Variants in CEP78 observed in about 807,000 individuals in gnomAD.
CEP78 encodes centrosomal protein 78, also known as centrosomal protein of 78 kDa.
CEP78 carries 76 observed loss-of-function variants against 81.2 expected under a neutral mutation model. The observed-to-expected ratio is 0.94, with a 90% CI of 0.78 to 1.13. The LOEUF is 1.13. Among genes scored for constraint, CEP78 ranks in the 50% most tolerant of loss-of-function variants. CEP78 has a pLI of 0.00. For synonymous variants in CEP78, 293 were observed against 301.4 expected (o/e 0.97, Z 0.29); for missense variants, 918 against 846.8 (o/e 1.08, Z -1.04).
In CEP78 at chr9:78,265,578, A is replaced by G. The variant is rs1050625599; in HGVS notation, c.1797+35A>G. 1.6e-5 allele frequency: 25 copies of G among 1,516,086 alleles called. No homozygotes were observed. The African/African-American group carries it at 2.8e-4, about 17-fold the overall frequency. 93.9% of individuals were successfully genotyped at this position (1,516,086 alleles called of 1,614,324 possible). ...TAGAACAGAACTTAGTGATTCTACA[A>G]GTGATTAGCAAAAAAGGGAATTACT... On this transcript the variant is annotated intron_variant, in intron 14 of 16. Coordinates refer to ENST00000643273, the MANE Select transcript of CEP78 (RefSeq NM_001330691.3).
In CEP78 at chr9:78,246,703, A is replaced by G. The variant is rs766225621; in HGVS notation, c.813A>G (p.Glu271=). The G allele has an allele frequency of 1.9e-6, 3 of 1,610,542 alleles. No homozygotes were observed. The Admixed American group carries it at 5.0e-5, about 27-fold the overall frequency. The change falls in exon 6 of 17, where the codon GAA becomes GAG. Residue 271 remains glutamate (E), a synonymous_variant. Transcript: ENST00000643273. ...TGCAACAGTGCGGCCTCACCAATGA[A>G]GGAGCAAAGGCTTTGCTAGAGGCCC... ...LDLQQCGLTN[E]GAKALLEALE...
At position 78,246,794 on chromosome 9, in the gene CEP78, C is replaced by G; in HGVS notation, c.892+12C>G. On this transcript the variant is annotated intron_variant, in intron 6 of 16. Coordinates refer to ENST00000643273, the MANE Select transcript of CEP78 (RefSeq NM_001330691.3). The stretch of plus-strand genomic sequence containing the variant: ...AAATCCACTCATTGGTATGTCGCTA[C>G]AATATTTTTTATTGACTAACAAATA... The G allele has an allele frequency of 7.0e-7, 1 of 1,437,770 alleles. No homozygotes were observed. Among genetic ancestry groups the G allele is most frequent in the Non-Finnish European group, 9.6e-7 (1 of 1,044,836 alleles). The allele number at this position is 1,437,770 out of a possible 1,614,324, so 89.1% of individuals were successfully genotyped here.
chr9:78,250,591 T>G (rs986637796), intron 8 of CEP78: 4 of 170,202 alleles, frequency 2.4e-5, no homozygotes, highest in African/African-American at 9.5e-5. Context: ...TACAAAAAAT[T>G]AGCCGGGCGT....
chr9:78,255,182 A>G (rs1826961766), intron 11 of CEP78, among the ~76,000 whole-genome samples: 1 of 152,146 alleles, frequency 6.6e-6, no homozygotes, highest in South Asian at 2.1e-4. Flanking sequence ...CATCAGTAAT[A>G]TATTTTCCTT....
intron 3 of CEP78, among the ~76,000 whole-genome samples, chr9:78,240,818 C>G (rs746213892): frequency 2.0e-5 from 3 of 151,970 alleles, no homozygotes; most frequent in Non-Finnish European, 4.4e-5. Flanking sequence ...AAAAAACTCA[C>G]CAGGCATGGT....
intron 1 of CEP78, among the ~76,000 whole-genome samples, chr9:78,236,997 T>A (rs1360569507): frequency 2.4e-5 from 3 of 126,316 alleles, no homozygotes; most frequent in African/African-American, 9.8e-5. Flanking sequence ...TTTTTTTTTT[T>A]TGAGACACTG....
chr9:78,256,747 A>C (rs1414980506), intron 11 of CEP78, among the ~76,000 whole-genome samples: 1 of 151,932 alleles, frequency 6.6e-6, no homozygotes, highest in Non-Finnish European at 1.5e-5. Context: ...AAAAGATGAA[A>C]AATATGTCCT....
In CEP78 at chr9:78,276,862, AAC is replaced by A. The variant is rs1263023980; in HGVS notation, c.*6012_*6013del. 3 of 152,224 alleles carry A rather than the reference AAC, an allele frequency of 2.0e-5. No individual in the cohort carries two copies. Among genetic ancestry groups the A allele is most frequent in the Admixed American group, 6.5e-5 (1 of 15,284 alleles). The allele number at this position is 152,224 out of a possible 1,614,324, so 9.4% of individuals were successfully genotyped here. On this transcript the variant is annotated 3_prime_UTR_variant, in exon 17 of 17. Coordinates refer to ENST00000643273, the MANE Select transcript of CEP78 (RefSeq NM_001330691.3). ...TTATAAATTCAAAGCAATTTCATAT[AAC>A]CACAGTAAAGCTTTTTAAATGGATG...
chr9:78,270,415 T>C (rs943458055), intron 16 of CEP78, among the ~76,000 whole-genome samples: 1 of 152,240 alleles, frequency 6.6e-6, no homozygotes, highest in African/African-American at 2.4e-5. Context: ...TCATTTAATT[T>C]TGAAATATGG....
Position 78,277,046 on chromosome 9 carries a change from A to G in CEP78, c.*6195A>G, listed in dbSNP as rs1045941858. ...AACCTAGGAACAGAGCAATGTATAT[A>G]TATATGTATTTAAAAAATGGCATCA... On this transcript the variant is annotated 3_prime_UTR_variant, in exon 17 of 17. Coordinates refer to ENST00000643273, the MANE Select transcript of CEP78 (RefSeq NM_001330691.3). The G allele has an allele frequency of 6.6e-6, 1 of 152,158 alleles. No individual in the cohort carries two copies. Among genetic ancestry groups the G allele is most frequent in the African/African-American group, 2.4e-5 (1 of 41,454 alleles). 9.4% of individuals were successfully genotyped at this position (152,158 alleles called of 1,614,324 possible). A position where few individuals can be genotyped will look rare whatever the true frequency, so the allele number is the denominator to read the frequency against.
At chr9:78,269,666 C>A (rs899767476) in intron 16 of CEP78, among the ~76,000 whole-genome samples, 3 of 152,174 alleles carry the variant, frequency 2.0e-5, no homozygotes, top group African/African-American at 4.8e-5. Context: ...GAGAGCAATT[C>A]ACTGAATTGG....
intron 8 of CEP78, chr9:78,250,285 C>T: frequency 2.5e-6 from 1 of 397,974 alleles, no homozygotes; most frequent in Non-Finnish European, 4.4e-6. Flanking sequence ...CAGTGTCTGG[C>T]TTTATATTTA....
At position 78,240,324 on chromosome 9, in the gene CEP78, G is replaced by A. The variant is rs765868841; in HGVS notation, c.459G>A (p.Leu153=). ...GLNKSASLVH[L]SLANCPIGDG... is the part of the protein sequence containing the mutation. ...ATAAATCGGCTTCTTTGGTGCACCT[G>A]TCTCTTGCAAATTGTCCAATTGGAG... The change falls in exon 3 of 17, where the codon CTG becomes CTA. Residue 153 remains leucine, a synonymous_variant. Coordinates refer to ENST00000643273, the MANE Select transcript of CEP78 (RefSeq NM_001330691.3). 7 of 1,596,256 alleles carry A rather than the reference G, an allele frequency of 4.4e-6. No homozygotes were observed. In the South Asian group the frequency reaches 7.9e-5, roughly 18 times the overall value.
rs1209052053 is a variant in CEP78 at position 78,265,474 on chromosome 9, AAAG to A, written c.1732_1734del (p.Lys578del). 3.8e-6 allele frequency: 6 copies of A among 1,592,754 alleles called. No homozygotes were observed. The highest frequency in any genetic ancestry group is 5.1e-6 in the Non-Finnish European group (6 of 1,169,110). ...CTGTTAGTAATCCACCTAAAGAAGA[AAAG>A]AAGGCGCTTGAAGATGAAAAACCAG... On this transcript the variant is annotated inframe_deletion, in exon 14 of 17. Transcript: ENST00000643273.
Position 78,240,110 on chromosome 9 carries a change from G to A in CEP78, c.341G>A (p.Gly114Asp), listed in dbSNP as rs776895025. Residue 114 changes from glycine (G) to aspartate (D), a missense_variant, in exon 2 of 17, where the codon GGC becomes GAC. Gly to Asp is a moderately conservative substitution (Grantham distance 94). Transcript: ENST00000643273. ...TTCCAGTTGTGTAAAGCTCTTAAAG[G>A]CTGTTTAAGTATATCAAGTGTGCTA... ...VTFQLCKALKGCLSISSVLKN... is the reference protein window; with the variant it reads ...VTFQLCKALKDCLSISSVLKN... 3.8e-6 allele frequency: 6 copies of A among 1,585,386 alleles called. No homozygotes were observed. Among genetic ancestry groups the A allele is most frequent in the African/African-American group, 2.8e-5 (2 of 72,626 alleles).
intron 11 of CEP78, among the ~76,000 whole-genome samples, chr9:78,261,942 T>A (rs1270128405): frequency 1.3e-5 from 2 of 152,146 alleles, no homozygotes. Flanking sequence ...TGAGAAAATT[T>A]TTGAAAATCG....
chr9:78,240,463 G>A, intron 3 of CEP78, 99 bp downstream of exon 3: 1 of 976,588 alleles, frequency 1.0e-6, no homozygotes, highest in Non-Finnish European at 1.6e-6. Context: ...TCTTACTACT[G>A]CCTCATATGC....
chr9:78,237,027 C>G (rs1825985175), intron 1 of CEP78, among the ~76,000 whole-genome samples: 1 of 125,028 alleles, frequency 8.0e-6, no homozygotes, highest in Non-Finnish European at 1.6e-5. Flanking sequence ...GTCGCCCAGG[C>G]TGGAATGCAG....
chr9:78,253,141 G>A (rs1826842901), intron 9 of CEP78, 91 bp from the exon 10 acceptor site: 3 of 705,672 alleles, frequency 4.3e-6, no homozygotes, highest in Non-Finnish European at 7.8e-6. Context: ...TGTATGGATA[G>A]TATACATAAT....
Sources: allele counts gnomAD v4.1 joint callset (sites outside exome capture counted in the v4.1 genomes callset), GRCh38; gene constraint gnomAD v4.1.1; transcripts MANE v1.5; gene names NCBI Gene and HGNC (gene_info 2026-07-23, HGNC 2026-07-21).